Variants in SPON1 observed in about 807,000 individuals in gnomAD.
SPON1 encodes spondin 1, also known as spondin-1.
In SPON1, 52 loss-of-function variants were observed where a neutral mutation model predicts 111.7. The ratio of observed to expected loss-of-function variants is 0.47; its 90% confidence interval spans 0.37 to 0.59. SPON1 has a LOEUF of 0.59. SPON1 is among the 20% of genes least tolerant of loss of function. SPON1 has a pLI of 0.00. For missense variants in SPON1, 957 were observed against 1,068.5 expected (o/e 0.90, Z 1.46); for synonymous variants, 410 against 395.8 (o/e 1.04, Z -0.43).
intron 1 of SPON1, among the ~76,000 whole-genome samples, chr11:13,973,310 C>T (rs1554908799): frequency 6.6e-6 from 1 of 152,190 alleles, no homozygotes; most frequent in African/African-American, 2.4e-5. Context: ...GGAGGATGAA[C>T]TGTGATTGGA....
chr11:14,159,041 T>C (rs931687458), intron 6 of SPON1, among the ~76,000 whole-genome samples: 4 of 152,068 alleles, frequency 2.6e-5, no homozygotes, highest in Non-Finnish European at 5.9e-5. Context: ...TTACATCAAG[T>C]GTGACTTCCT....
In SPON1 at chr11:14,262,748, C is replaced by T; in HGVS notation, c.2033C>T (p.Ser678Leu). ...DCELTEWSQW[S>L]ECNKSCGKGH... ...GAGCTCACCGAGTGGTCCCAGTGGT[C>T]GGAATGTAACAAGTCATGTGGGAAA... The change falls in exon 15 of 16, where the codon TCG becomes TTG. Residue 678 changes from serine (S) to leucine (L), a missense_variant. Physicochemically the swap from Ser to Leu is moderately radical, Grantham distance 145 (BLOSUM62 -2). Coordinates refer to ENST00000576479, the MANE Select transcript of SPON1 (RefSeq NM_006108.4). The T allele has an allele frequency of 3.1e-6, 5 of 1,613,780 alleles. No individual in the cohort carries two copies. Among genetic ancestry groups the T allele is most frequent in the South Asian group, 1.1e-5 (1 of 91,040 alleles).
At chr11:14,173,013 G>A (rs574575058) in intron 6 of SPON1, among the ~76,000 whole-genome samples, 18 of 151,978 alleles carry the variant, frequency 1.2e-4, no homozygotes, top group African/African-American at 4.3e-4. Context: ...GGCGTTCTCT[G>A]TATTTCCTGA....
At chr11:14,084,252 C>T (rs534225784) in intron 5 of SPON1, among the ~76,000 whole-genome samples, 4 of 151,936 alleles carry the variant, frequency 2.6e-5, no homozygotes, top group African/African-American at 4.8e-5. Context: ...CTAGGTTTTA[C>T]GTCCCACATG....
rs1353640852 is a variant in SPON1, at chr11:14,160,496, T to C, written c.825+24928T>C. On this transcript the variant is annotated intron_variant, in intron 6 of 15. Transcript: ENST00000576479. Reference sequence around the variant, plus strand: ...ATATATATATTTATATATATATATTTACATATATATATTTATATATATATT... The same window carrying C: ...ATATATATATTTATATATATATATTCACATATATATATTTATATATATATT... 2.5e-4 allele frequency among the ~76,000 whole-genome samples: 2 copies of C among 7,976 alleles called. 1 individual carries two copies. The highest frequency in any genetic ancestry group is 4.2e-4 in the Non-Finnish European group (2 of 4,720). The allele number at this position is 7,976 out of a possible 152,430, so 5.2% of individuals were successfully genotyped here. A position where few individuals can be genotyped will look rare whatever the true frequency, so the allele number is the denominator to read the frequency against.
At chr11:14,256,396 G>A (rs1409742410) in intron 9 of SPON1, among the ~76,000 whole-genome samples, 1 of 152,278 alleles carries the variant, frequency 6.6e-6, no homozygotes, top group Non-Finnish European at 1.5e-5. Flanking sequence ...AGGAACTGGG[G>A]AGTGGTGGTA....
chr11:14,132,389 G>A (rs1847538265), intron 5 of SPON1, among the ~76,000 whole-genome samples: 1 of 152,226 alleles, frequency 6.6e-6, no homozygotes, highest in South Asian at 2.1e-4. Context: ...TTAAGAGAGA[G>A]AACCATAAAG....
At chr11:14,264,471 T>C (rs1035285855) in intron 15 of SPON1, among the ~76,000 whole-genome samples, 2 of 152,184 alleles carry the variant, frequency 1.3e-5, no homozygotes, top group East Asian at 3.8e-4. Context: ...TGTAAAAAAG[T>C]GAAGATTAAC....
At chr11:14,076,473 C>A (rs1329475321) in intron 4 of SPON1, among the ~76,000 whole-genome samples, 1 of 152,136 alleles carries the variant, frequency 6.6e-6, no homozygotes, top group Non-Finnish European at 1.5e-5. Flanking sequence ...ACTTCATATG[C>A]ATTAATTTTA....
chr11:13,963,072 G>A lies in SPON1; in HGVS notation c.168G>A (p.Glu56=). 1 of 1,571,190 alleles carries A rather than the reference G, an allele frequency of 6.4e-7. No individual in the cohort carries two copies. Among genetic ancestry groups the A allele is most frequent in the Non-Finnish European group, 8.6e-7 (1 of 1,160,732 alleles). ...TGCGCGCCCAGGGCACGCGGCGCGA[G>A]GGCTACACCGAGTTCAGCCTCCGCG... The part of the protein sequence containing the change: ...RILRAQGTRR[E]GYTEFSLRVE... The change falls in exon 1 of 16, where the codon GAG becomes GAA. Residue 56 remains glutamate, a synonymous_variant. Coordinates refer to ENST00000576479, the MANE Select transcript of SPON1 (RefSeq NM_006108.4).
rs1418247154 is a variant in SPON1 at position 14,101,117 on chromosome 11, C to T, written c.676+21096C>T. Among the ~76,000 whole-genome samples the T allele has an allele frequency of 2.7e-5, 4 of 150,864 alleles. No homozygotes were observed. The South Asian group carries it at 6.6e-4, about 25-fold the overall frequency. On this transcript the variant is annotated intron_variant, in intron 5 of 15. Transcript: ENST00000576479. Reference sequence around the variant, plus strand: ...TTTTTTCTTTTTAAAACCTGGTTTTCGGCTGGGCGCAGTGGCTAATGCCTG... The same window carrying T: ...TTTTTTCTTTTTAAAACCTGGTTTTTGGCTGGGCGCAGTGGCTAATGCCTG...
intron 5 of SPON1, among the ~76,000 whole-genome samples, chr11:14,100,972 G>A (rs181047224): frequency 1.2e-3 from 178 of 152,228 alleles, no homozygotes; most frequent in Non-Finnish European, 7.4e-4. Flanking sequence ...TTGCTTCCTA[G>A]GTGATCAAAT....
At chr11:14,013,502 C>A (rs1848421195) in intron 2 of SPON1, among the ~76,000 whole-genome samples, 1 of 152,152 alleles carries the variant, frequency 6.6e-6, no homozygotes, top group African/African-American at 2.4e-5. Context: ...GAGCTTATTT[C>A]CCCCAATTCT....
At chr11:14,150,066 A>G (rs1272248816) in intron 6 of SPON1, among the ~76,000 whole-genome samples, 1 of 152,212 alleles carries the variant, frequency 6.6e-6, no homozygotes, top group Non-Finnish European at 1.5e-5. Context: ...TATGGAATCA[A>G]CATAAGTGTC....
chr11:14,002,916 A>G (rs567756062), intron 2 of SPON1, among the ~76,000 whole-genome samples: 1 of 152,166 alleles, frequency 6.6e-6, no homozygotes, highest in Admixed American at 6.5e-5. Flanking sequence ...TCCTCCAACC[A>G]CTACCTCATT....
intron 6 of SPON1, among the ~76,000 whole-genome samples, chr11:14,196,712 A>G (rs1309923412): frequency 6.6e-6 from 1 of 152,162 alleles, no homozygotes; most frequent in Non-Finnish European, 1.5e-5. Flanking sequence ...TTTAGTAAAC[A>G]CTAACCTGCC....
At chr11:14,090,860 A>C (rs1849049028) in intron 5 of SPON1, among the ~76,000 whole-genome samples, 2 of 96,550 alleles carry the variant, frequency 2.1e-5, no homozygotes, top group Non-Finnish European at 3.7e-5. Context: ...CATCCTGCTG[A>C]TTGGTAGAGC....
intron 2 of SPON1, among the ~76,000 whole-genome samples, chr11:13,983,620 ATTC>A (rs1848161014): frequency 6.6e-6 from 1 of 152,200 alleles, no homozygotes; most frequent in South Asian, 2.1e-4. Context: ...ACTGTGGAAT[ATTC>A]TTCCAAGGGA....
At chr11:14,010,631 A>G (rs756863849) in intron 2 of SPON1, among the ~76,000 whole-genome samples, 43 of 152,244 alleles carry the variant, frequency 2.8e-4, no homozygotes, top group Non-Finnish European at 1.3e-4. Flanking sequence ...TACGTGTGTC[A>G]TAGGGAACAC....
Sources: allele counts gnomAD v4.1 joint callset (sites outside exome capture counted in the v4.1 genomes callset), GRCh38; gene constraint gnomAD v4.1.1; transcripts MANE v1.5; gene names NCBI Gene and HGNC (gene_info 2026-07-23, HGNC 2026-07-21).